NYNRIN: variants seen among roughly 807,000 people sequenced by gnomAD.
NYNRIN encodes the protein protein NYNRIN.
NYNRIN carries 86 observed loss-of-function variants against 146.6 expected under a neutral mutation model. The observed-to-expected ratio is 0.59, with a 90% CI of 0.49 to 0.70. NYNRIN has a LOEUF of 0.70. NYNRIN is among the 30% of genes least tolerant of loss of function. The pLI is 0.00. For missense variants in NYNRIN, 2,191 were observed against 2,377.7 expected, an observed-to-expected ratio of 0.92 and a Z score of 1.63; for synonymous variants, 1,027 against 1,001.3, an observed-to-expected ratio of 1.03 and a Z score of -0.48.
rs201775736 is a variant in NYNRIN at position 24,414,867 on chromosome 14, C to T, written c.3118C>T (p.Arg1040Trp). The T allele has an allele frequency of 6.0e-5, 97 of 1,610,234 alleles. No individual in the cohort carries two copies. The highest frequency in any genetic ancestry group is 1.0e-4 in the Admixed American group (6 of 59,876). ...CCCGTCCCTTTCGGAGGAGATCCTG[C>T]GGTGCCTCAGCCTCCATGATCCCCC... ...ECPSLSEEILRCLSLHDPPDG... is the reference protein window; with the variant it reads ...ECPSLSEEILWCLSLHDPPDG... The change falls in exon 9 of 9, where the codon CGG becomes TGG. Residue 1040 changes from arginine (R) to tryptophan (W), a missense_variant. This residue lies in a region of NYNRIN where 1,291 missense variants were observed against 1,417.0 expected (regional missense o/e 0.91). Coordinates refer to ENST00000382554, the MANE Select transcript of NYNRIN (RefSeq NM_025081.3).
rs2042963045 is a variant in NYNRIN, at chr14:24,418,406, C to T, written c.*960C>T. 5.2e-6 allele frequency: 2 copies of T among 383,326 alleles called. No individual in the cohort carries two copies. Among genetic ancestry groups the T allele is most frequent in the African/African-American group, 2.1e-5 (1 of 47,210 alleles). 23.7% of individuals were successfully genotyped at this position (383,326 alleles called of 1,614,324 possible). On this transcript the variant is annotated 3_prime_UTR_variant, in exon 9 of 9. Coordinates refer to ENST00000382554, the MANE Select transcript of NYNRIN (RefSeq NM_025081.3). ...CCATCCCAAAGCCTACAGTCCTCTGCTCCTTCTACCTCCACTGTATCCTGC... is the reference window on the plus strand; with the variant it reads ...CCATCCCAAAGCCTACAGTCCTCTGTTCCTTCTACCTCCACTGTATCCTGC...
In NYNRIN at chr14:24,416,763, G is replaced by A; in HGVS notation, c.5014G>A (p.Gly1672Ser). Residue 1672 changes from glycine (G) to serine (S), a missense_variant, in exon 9 of 9, where the codon GGT (glycine) becomes AGT (serine). This residue lies in a region of NYNRIN where 1,291 missense variants were observed against 1,417.0 expected (regional missense o/e 0.91). Transcript: ENST00000382554. ...GCTTCAGCATGTGTTTGCAAGGTGG[G>A]GTGTTCCTGTGAGGCTGGAGGCAGC... Reference protein sequence around the residue: ...VLLQHVFARWGVPVRLEAAQG... With the variant: ...VLLQHVFARWSVPVRLEAAQG... 1 of 1,613,792 alleles carries A rather than the reference G, an allele frequency of 6.2e-7. No homozygotes were observed. Among genetic ancestry groups the A allele is most frequent in the South Asian group, 1.1e-5 (1 of 91,082 alleles).
chr14:24,417,460 G>T lies in NYNRIN; in HGVS notation c.*14G>T. The stretch of plus-strand genomic sequence containing the variant: ...TTGGAGCAGTGAGCGGGAGCAGCGG[G>T]GGTGCCCCCTGCCCCAGGGCCGTGG... On this transcript the variant is annotated 3_prime_UTR_variant, in exon 9 of 9. Transcript: ENST00000382554. 1 of 1,456,992 alleles carries T rather than the reference G, an allele frequency of 6.9e-7. No homozygotes were observed. Among genetic ancestry groups the T allele is most frequent in the South Asian group, 1.5e-5 (1 of 68,886 alleles). The allele number at this position is 1,456,992 out of a possible 1,614,324, so 90.3% of individuals were successfully genotyped here. A position where few individuals can be genotyped will look rare whatever the true frequency, so the allele number is the denominator to read the frequency against.
chr14:24,409,217 G>C lies in NYNRIN; in HGVS notation c.1423G>C (p.Asp475His). The C allele has an allele frequency of 6.2e-7, 1 of 1,613,956 alleles. No individual in the cohort carries two copies. Among genetic ancestry groups the C allele is most frequent in the Non-Finnish European group, 8.5e-7 (1 of 1,179,860 alleles). Residue 475 changes from aspartate (D) to histidine (H), a missense_variant, in exon 4 of 9, where the codon GAT becomes CAT. Physicochemically the swap from Asp to His is moderately conservative, Grantham distance 81 (BLOSUM62 -1). Transcript: ENST00000382554. ...SSDVKDKVSS[D>H]LPQIGPPLTS... ...AGATGTAAAAGACAAAGTTAGCTCG[G>C]ATCTCCCACAGATAGGGCCACCCTT...
intron 2 of NYNRIN, among the ~76,000 whole-genome samples, chr14:24,406,316 T>A (rs767086642): frequency 6.6e-6 from 1 of 152,186 alleles, no homozygotes; most frequent in African/African-American, 2.4e-5. Flanking sequence ...AAGCCACCCA[T>A]AATCTTCTTC....
Position 24,417,366 on chromosome 14 carries a change from G to T in NYNRIN, c.5617G>T (p.Gly1873Trp). 6.3e-7 allele frequency: 1 copy of T among 1,593,594 alleles called. No homozygotes were observed. Among genetic ancestry groups the T allele is most frequent in the East Asian group, 2.3e-5 (1 of 43,966 alleles). ...GGGCTTCCCAACCCCAGAGAAGCTG[G>T]GGTGCATCTATCCCAGCAGTCTGAT... Reference protein sequence around the residue: ...IWGFPTPEKLGCIYPSSLMKA... With the variant: ...IWGFPTPEKLWCIYPSSLMKA... The change falls in exon 9 of 9, where the codon GGG (glycine) becomes TGG (tryptophan). Residue 1873 changes from glycine (G) to tryptophan (W), a missense_variant. By Grantham distance (184) the Gly-to-Trp change is radical. Transcript: ENST00000382554.
At position 24,410,077 on chromosome 14, in the gene NYNRIN, G is replaced by C. The variant is rs377740529; in HGVS notation, c.2283G>C (p.Ala761=). The change falls in exon 4 of 9, where the codon GCG becomes GCC. Residue 761 remains alanine (A), a synonymous_variant. Transcript: ENST00000382554. ...GGCAGCCACCTCGCCACCTGCAAGC[G>C]AACAGCACAGTGACCAGCTTCCAGA... is the stretch of plus-strand genomic sequence containing the variant. ...APRQPPRHLQ[A]NSTVTSFQRY... is the part of the protein sequence containing the mutation. 5 of 1,613,956 alleles carry C rather than the reference G, an allele frequency of 3.1e-6. No individual in the cohort carries two copies. In the Admixed American group the frequency reaches 8.3e-5, roughly 27 times the overall value.
In NYNRIN at chr14:24,415,993, T is replaced by C. The variant is rs1301037438; in HGVS notation, c.4244T>C (p.Ile1415Thr). The change falls in exon 9 of 9, where the codon ATA (isoleucine) becomes ACA (threonine). Residue 1415 changes from isoleucine (I) to threonine (T), a missense_variant. By Grantham distance (89) the Ile-to-Thr change is moderately conservative (BLOSUM62 -1). Coordinates refer to ENST00000382554, the MANE Select transcript of NYNRIN (RefSeq NM_025081.3). Reference protein sequence around the residue: ...LPHPSLLSYIISLTSGLSSLP... With the variant: ...LPHPSLLSYITSLTSGLSSLP... ...CACCCAAGCCTGCTCTCCTACATTATATCCCTCACCTCTGGCCTCTCATCC... is the reference window on the plus strand; with the variant it reads ...CACCCAAGCCTGCTCTCCTACATTACATCCCTCACCTCTGGCCTCTCATCC... The C allele has an allele frequency of 6.2e-7, 1 of 1,614,000 alleles. No homozygotes were observed. The highest frequency in any genetic ancestry group is 1.7e-5 in the Admixed American group (1 of 60,028).
chr14:24,403,174 G>A (rs1472707674), intron 2 of NYNRIN, among the ~76,000 whole-genome samples: 2 of 152,216 alleles, frequency 1.3e-5, no homozygotes, highest in African/African-American at 4.8e-5. Flanking sequence ...GCACTGAAGT[G>A]TACTATGATT....
chr14:24,399,639 C>T (rs1393661232), intron 2 of NYNRIN, among the ~76,000 whole-genome samples, 195 bp downstream of exon 2: 2 of 152,146 alleles, frequency 1.3e-5, no homozygotes, highest in African/African-American at 4.8e-5. Flanking sequence ...CGCTTCTTCC[C>T]TCTGGTTCCT....
In NYNRIN at chr14:24,417,488, T is replaced by G. The variant is rs2042956405; in HGVS notation, c.*42T>G. ...TGCCCCCTGCCCCAGGGCCGTGGGTTTCTGCTGCTAGGCCTCCCCCTGTCC... is the reference window on the plus strand; with the variant it reads ...TGCCCCCTGCCCCAGGGCCGTGGGTGTCTGCTGCTAGGCCTCCCCCTGTCC... On this transcript the variant is annotated 3_prime_UTR_variant, in exon 9 of 9. Coordinates refer to ENST00000382554, the MANE Select transcript of NYNRIN (RefSeq NM_025081.3). 7.0e-7 allele frequency: 1 copy of G among 1,436,828 alleles called. No homozygotes were observed. Among genetic ancestry groups the G allele is most frequent in the East Asian group, 2.5e-5 (1 of 39,908 alleles). 89.0% of individuals were successfully genotyped at this position (1,436,828 alleles called of 1,614,324 possible). A position where few individuals can be genotyped will look rare whatever the true frequency, so the allele number is the denominator to read the frequency against.
chr14:24,399,008 C>A lies in NYNRIN; in HGVS notation c.-96C>A. ...ACCGGTCCCACCCCTAGCTACAACC[C>A]CGGGCAGGAAGAGCTCGTCGCGGTA... On this transcript the variant is annotated 5_prime_UTR_variant, in exon 1 of 9. Coordinates refer to ENST00000382554, the MANE Select transcript of NYNRIN (RefSeq NM_025081.3). 1 of 487,328 alleles carries A rather than the reference C, an allele frequency of 2.1e-6. No homozygotes were observed. Among genetic ancestry groups the A allele is most frequent in the South Asian group, 2.7e-5 (1 of 37,228 alleles). The allele number at this position is 487,328 out of a possible 1,614,324, so 30.2% of individuals were successfully genotyped here. A position where few individuals can be genotyped will look rare whatever the true frequency, so the allele number is the denominator to read the frequency against.
In NYNRIN at chr14:24,411,093, T is replaced by A. The variant is rs764954975; in HGVS notation, c.2432T>A (p.Phe811Tyr). Residue 811 changes from phenylalanine to tyrosine, a missense_variant, in exon 5 of 9, where the codon TTC (phenylalanine) becomes TAC (tyrosine). This residue lies in a region of NYNRIN where 1,291 missense variants were observed against 1,417.0 expected (regional missense o/e 0.91). Coordinates refer to ENST00000382554, the MANE Select transcript of NYNRIN (RefSeq NM_025081.3). This position sits in a 1 kb window ranked among gnomAD's most constrained non-coding sequence, Gnocchi z 4.3. ...CCCCACAGGCATGGCCTGCAGCACT[T>A]CTTCTCCTGCCGAGGAATTGCCATG... ...SVAMVHGLQH[F>Y]FSCRGIAMAV... is the part of the protein sequence containing the mutation. 1 of 1,613,678 alleles carries A rather than the reference T, an allele frequency of 6.2e-7. No individual in the cohort carries two copies. The highest frequency in any genetic ancestry group is 2.2e-5 in the East Asian group (1 of 44,870).
Position 24,413,023 on chromosome 14 carries a change from C to G in NYNRIN, c.2669C>G (p.Thr890Arg). 6.2e-7 allele frequency: 1 copy of G among 1,600,630 alleles called. No homozygotes were observed. Among genetic ancestry groups the G allele is most frequent in the Admixed American group, 1.7e-5 (1 of 58,122 alleles). The change falls in exon 7 of 9, where the codon ACA becomes AGA. Residue 890 changes from threonine (T) to arginine (R), a missense_variant. By Grantham distance (71) the Thr-to-Arg change is moderately conservative. Transcript: ENST00000382554. ...TTCATGGTAAAGCTGGCAGAGGAGACAGATGGCATCATTGTCACCAATGAG... is the reference window on the plus strand; with the variant it reads ...TTCATGGTAAAGCTGGCAGAGGAGAGAGATGGCATCATTGTCACCAATGAG... The part of the protein sequence containing the change: ...YRFMVKLAEE[T>R]DGIIVTNEQI...
Position 24,416,852 on chromosome 14 carries a change from G to T in NYNRIN, c.5103G>T (p.Val1701=). Residue 1701 remains valine (V), a synonymous_variant, in exon 9 of 9, where the codon GTG becomes GTT. Transcript: ENST00000382554. ...GTGGGCTGGCCCTGGGAGCCCAGGT[G>T]GCCTCCCTGAGTCGGGACCTCCAGT... ...VSCGLALGAQ[V]ASLSRDLQFP... is the part of the protein sequence containing the mutation. 2 of 1,608,906 alleles carry T rather than the reference G, an allele frequency of 1.2e-6. No individual in the cohort carries two copies. Among genetic ancestry groups the T allele is most frequent in the Non-Finnish European group, 1.7e-6 (2 of 1,176,898 alleles).
rs374730919 is a variant in NYNRIN, at chr14:24,415,596, C to A, written c.3847C>A (p.Arg1283Ser). ...ALLQGLLGENRLLTPAASMPR... is the reference protein window; with the variant it reads ...ALLQGLLGENSLLTPAASMPR... ...CCTCCAGGGCCTGCTGGGGGAGAAC[C>A]GCCTGCTCACCCCCGCGGCCTCCAT... The change falls in exon 9 of 9, where the codon CGC (arginine) becomes AGC (serine). Residue 1283 changes from arginine to serine, a missense_variant. This residue lies in a region of NYNRIN where 1,291 missense variants were observed against 1,417.0 expected (regional missense o/e 0.91). Coordinates refer to ENST00000382554, the MANE Select transcript of NYNRIN (RefSeq NM_025081.3). The A allele has an allele frequency of 6.2e-7, 1 of 1,613,866 alleles. No homozygotes were observed. Among genetic ancestry groups the A allele is most frequent in the African/African-American group, 1.3e-5 (1 of 74,932 alleles).
At position 24,414,652 on chromosome 14, in the gene NYNRIN, C is replaced by G; in HGVS notation, c.2903C>G (p.Ser968Ter). 1 of 1,613,768 alleles carries G rather than the reference C, an allele frequency of 6.2e-7. No homozygotes were observed. The highest frequency in any genetic ancestry group is 8.5e-7 in the Non-Finnish European group (1 of 1,179,760). Residue 968 changes from serine to a stop codon, truncating the protein, a stop_gained, in exon 9 of 9, where the codon TCA (serine) becomes TGA (stop). Transcript: ENST00000382554. LOFTEE classifies it high-confidence loss of function. ...LKVWKTLPPS[S>*]ASVTELSDDA... Reference sequence around the variant, plus strand: ...GTGTGGAAGACCCTTCCTCCCAGCTCAGCCAGTGTCACTGAGCTGAGTGAT... The same window carrying G: ...GTGTGGAAGACCCTTCCTCCCAGCTGAGCCAGTGTCACTGAGCTGAGTGAT...
Position 24,419,243 on chromosome 14 carries a change from A to T in NYNRIN, c.*1797A>T, listed in dbSNP as rs990583153. 1 of 151,814 alleles carries T rather than the reference A, an allele frequency of 6.6e-6. No individual in the cohort carries two copies. The highest frequency in any genetic ancestry group is 1.5e-5 in the Non-Finnish European group (1 of 67,970). The allele number at this position is 151,814 out of a possible 1,614,324, so 9.4% of individuals were successfully genotyped here. ...GATCACATACCCTTCTTTTAAGTGAATTTTTTTCATTTGATTTGTCAATAA... is the reference window on the plus strand; with the variant it reads ...GATCACATACCCTTCTTTTAAGTGATTTTTTTTCATTTGATTTGTCAATAA... On this transcript the variant is annotated 3_prime_UTR_variant, in exon 9 of 9. Transcript: ENST00000382554.
Position 24,399,424 on chromosome 14 carries a change from G to C in NYNRIN, c.178G>C (p.Glu60Gln), listed in dbSNP as rs1310905139. ...YFWLQLEGPR[E>Q]NMGKAKEYLK... ...CTGGCTACAGCTCGAGGGGCCCCGAGAGAACATGGGCAAAGCCAAGGTAAA... is the reference window on the plus strand; with the variant it reads ...CTGGCTACAGCTCGAGGGGCCCCGACAGAACATGGGCAAAGCCAAGGTAAA... Residue 60 changes from glutamate (E) to glutamine (Q), a missense_variant, in exon 2 of 9, where the codon GAG becomes CAG. By Grantham distance (29) the Glu-to-Gln change is conservative. This residue lies in a region of NYNRIN where 895 missense variants were observed against 941.2 expected (regional missense o/e 0.95). Coordinates refer to ENST00000382554, the MANE Select transcript of NYNRIN (RefSeq NM_025081.3). 6 of 1,612,546 alleles carry C rather than the reference G, an allele frequency of 3.7e-6. No homozygotes were observed. In the African/African-American group the frequency reaches 8.0e-5, roughly 22 times the overall value.
Sources: allele counts gnomAD v4.1 joint callset (sites outside exome capture counted in the v4.1 genomes callset), GRCh38; gene constraint gnomAD v4.1.1; regional missense constraint gnomAD v4.1.1; non-coding constraint Gnocchi (gnomAD v3.1); transcripts MANE v1.5; gene names NCBI Gene and HGNC (gene_info 2026-07-23, HGNC 2026-07-21).